The following RAP1GAP2 variants were observed in gnomAD, a reference collection of about 807,000 sequenced individuals.
RAP1GAP2 encodes the protein RAP1 GTPase activating protein 2.
RAP1GAP2 carries 27 observed loss-of-function variants against 95.0 expected under a neutral mutation model. The ratio of observed to expected loss-of-function variants is 0.28; its 90% CI spans 0.21 to 0.39. The LOEUF (loss-of-function observed/expected upper bound fraction) is 0.39. RAP1GAP2 is among the 10% of genes least tolerant of loss of function. The pLI, the probability that RAP1GAP2 is intolerant of heterozygous loss-of-function variation, is 1.00. For missense variants in RAP1GAP2, 771 were observed against 970.0 expected (o/e 0.79, Z 2.72); for synonymous variants, 373 against 380.9 (o/e 0.98, Z 0.24).
At chr17:2,992,883 G>T (rs114475501) in intron 12 of RAP1GAP2, among the ~76,000 whole-genome samples, 18,923 of 151,976 alleles carry the variant, frequency 0.12, 1,293 homozygotes, top group Non-Finnish European at 0.15. Flanking sequence ...TAAGTGACTT[G>T]ACCTCTATAA....
intron 3 of RAP1GAP2, among the ~76,000 whole-genome samples, chr17:2,950,275 C>T (rs1009807716): frequency 1.3e-5 from 2 of 152,096 alleles, no homozygotes. Context: ...TGGTCTCAAA[C>T]TCCTGGCCTT....
chr17:2,995,731 C>T (rs752881996), intron 13 of RAP1GAP2, among the ~76,000 whole-genome samples: 7 of 150,630 alleles, frequency 4.6e-5, no homozygotes, highest in Non-Finnish European at 7.4e-5. Context: ...GTTTCTTCCA[C>T]GTTGACTGAT....
Position 3,029,897 on chromosome 17 carries a change from C to A in RAP1GAP2, c.2108-1025C>A, listed in dbSNP as rs2047238379. On this transcript the variant is annotated intron_variant, in intron 22 of 24. Coordinates refer to ENST00000254695, the MANE Select transcript of RAP1GAP2 (RefSeq NM_015085.5). This position sits in a 1 kb window ranked among gnomAD's most constrained non-coding sequence, Gnocchi z 4.4. ...TTTACCATAAGTCCCATATGTCCAA[C>A]TGATTCTCACAGAATGCTTTTAGTG... 2.0e-5 allele frequency among the ~76,000 whole-genome samples: 3 copies of A among 152,032 alleles called. No homozygotes were observed. Among genetic ancestry groups the A allele is most frequent in the Admixed American group, 2.0e-4 (3 of 15,250 alleles).
intron 2 of RAP1GAP2, among the ~76,000 whole-genome samples, chr17:2,858,099 C>T (rs1215537738): frequency 1.3e-5 from 2 of 151,468 alleles, no homozygotes; most frequent in Non-Finnish European, 2.9e-5. Flanking sequence ...GACTCTGTCT[C>T]AAAAAAAAGG....
At chr17:2,830,178 G>A (rs989974613) in intron 2 of RAP1GAP2, among the ~76,000 whole-genome samples, 2 of 152,072 alleles carry the variant, frequency 1.3e-5, no homozygotes, top group East Asian at 1.9e-4. Flanking sequence ...TTGGGAGGCC[G>A]AGGTGGGCGG....
intron 2 of RAP1GAP2, among the ~76,000 whole-genome samples, chr17:2,894,623 T>C (rs2073827317): frequency 6.6e-6 from 1 of 152,104 alleles, no homozygotes; most frequent in African/African-American, 2.4e-5. Context: ...AAAGAGAGCC[T>C]TATCATCTGC....
intron 2 of RAP1GAP2, among the ~76,000 whole-genome samples, chr17:2,875,995 T>C (rs747034572): frequency 2.0e-4 from 30 of 151,486 alleles, no homozygotes; most frequent in Non-Finnish European, 3.5e-4. Context: ...TGGAGTGCAA[T>C]GATGCGATCT....
intron 2 of RAP1GAP2, among the ~76,000 whole-genome samples, chr17:2,864,861 A>G (rs2151627265): frequency 6.6e-6 from 1 of 152,276 alleles, no homozygotes; most frequent in South Asian, 2.1e-4. Context: ...AAGTTATGGG[A>G]GGCTGCGCGT....
chr17:2,935,827 G>A lies in RAP1GAP2; in HGVS notation c.166-21932G>A, dbSNP rs1307794000. Among the ~76,000 whole-genome samples, 4 of 152,178 alleles carry A rather than the reference G, an allele frequency of 2.6e-5. No individual in the cohort carries two copies. In the East Asian group the frequency reaches 5.8e-4, roughly 22 times the overall value. On this transcript the variant is annotated intron_variant, in intron 3 of 24. Coordinates refer to ENST00000254695, the MANE Select transcript of RAP1GAP2 (RefSeq NM_015085.5). ...GGATTCGGAGGCTGGTCTGTCTGAC[G>A]CTCAGTCCCATGCTCTCTTCACCGG...
intron 2 of RAP1GAP2, among the ~76,000 whole-genome samples, chr17:2,811,719 A>G (rs145649394): frequency 3.9e-3 from 587 of 152,252 alleles, no homozygotes; most frequent in African/African-American, 0.013. Flanking sequence ...CTGGGATTAC[A>G]GGCATGCGCC....
At chr17:2,767,566 C>T (rs896328201) in intron 1 of RAP1GAP2, among the ~76,000 whole-genome samples, 9 of 148,982 alleles carry the variant, frequency 6.0e-5, no homozygotes, top group Middle Eastern at 3.2e-3. Context: ...CACTTTATTC[C>T]CTGCCCCCTT....
intron 12 of RAP1GAP2, among the ~76,000 whole-genome samples, chr17:2,992,224 G>A (rs2045785664): frequency 6.7e-6 from 1 of 149,250 alleles, no homozygotes; most frequent in African/African-American, 2.5e-5. Flanking sequence ...GCAGTGGTGC[G>A]ATCTTGACTC....
chr17:2,828,791 C>G (rs887444851), intron 2 of RAP1GAP2, among the ~76,000 whole-genome samples: 1 of 152,094 alleles, frequency 6.6e-6, no homozygotes, highest in East Asian at 1.9e-4. Context: ...TGGCTGTTCT[C>G]CTTCCCCAAC....
chr17:2,828,634 C>T (rs72817384), intron 2 of RAP1GAP2, among the ~76,000 whole-genome samples: 10,466 of 152,164 alleles, frequency 0.069, 535 homozygotes, highest in African/African-American at 0.13. Flanking sequence ...CCAGGACTGC[C>T]CGGGCATGGC....
intron 2 of RAP1GAP2, among the ~76,000 whole-genome samples, chr17:2,847,343 C>T (rs1044053662): frequency 1.3e-5 from 2 of 152,064 alleles, no homozygotes; most frequent in African/African-American, 4.8e-5. Context: ...CATTTGGAGG[C>T]GTTTGAGAGA....
intron 2 of RAP1GAP2, among the ~76,000 whole-genome samples, chr17:2,891,582 C>A (rs66537915): frequency 0.33 from 50,355 of 150,506 alleles, 9,132 homozygotes; most frequent in East Asian, 0.57. Context: ...ACTTCCAGAG[C>A]CCCCCCATCC....
intron 17 of RAP1GAP2, among the ~76,000 whole-genome samples, chr17:3,015,955 C>T (rs978448652): frequency 3.9e-5 from 6 of 152,120 alleles, no homozygotes; most frequent in African/African-American, 7.2e-5. Context: ...GGAAGGGGAG[C>T]GGGGCCCACA....
At chr17:2,811,581 GT>G (rs887898010) in intron 2 of RAP1GAP2, among the ~76,000 whole-genome samples, 1 of 151,918 alleles carries the variant, frequency 6.6e-6, no homozygotes, top group African/African-American at 2.4e-5. Context: ...GTATTTTTTT[GT>G]TTTTTTGTTT....
Position 3,032,392 on chromosome 17 carries a change from T to C in RAP1GAP2, c.2185-19T>C. ...CTGTCTGGTTATTTAAACTCCTGTA[T>C]GGATTTTTGTTGAAACAGGGTCACT... On this transcript the variant is annotated intron_variant, in intron 23 of 24. Transcript: ENST00000254695. 1 of 1,613,916 alleles carries C rather than the reference T, an allele frequency of 6.2e-7. No homozygotes were observed. Among genetic ancestry groups the C allele is most frequent in the Non-Finnish European group, 8.5e-7 (1 of 1,179,810 alleles).
Sources: allele counts gnomAD v4.1 joint callset (sites outside exome capture counted in the v4.1 genomes callset), GRCh38; gene constraint gnomAD v4.1.1; non-coding constraint Gnocchi (gnomAD v3.1); transcripts MANE v1.5; gene names NCBI Gene and HGNC (gene_info 2026-07-23, HGNC 2026-07-21).